The following CAMKK2 variants were observed in gnomAD, a reference collection of about 807,000 sequenced individuals.
CAMKK2 encodes calcium/calmodulin dependent protein kinase kinase 2.
A neutral mutation model predicts 67.2 loss-of-function variants in CAMKK2; 30 were observed. That is an observed-to-expected ratio of 0.45 (90% CI 0.33 to 0.61). The LOEUF (loss-of-function observed/expected upper bound fraction) is 0.61. Ranked by LOEUF, CAMKK2 falls within the 20% of genes least tolerant of loss-of-function variation. The pLI, the probability that CAMKK2 is intolerant of heterozygous loss-of-function variation, is 0.02. For missense variants in CAMKK2, 643 were observed against 802.0 expected (o/e 0.80, Z 2.39); for synonymous variants, 322 against 326.2 (o/e 0.99, Z 0.14).
chr12:121,294,225 G>A (rs1032409616), intron 1 of CAMKK2, among the ~76,000 whole-genome samples: 6 of 152,138 alleles, frequency 3.9e-5, no homozygotes, highest in South Asian at 2.1e-4. Context: ...GAGCCACCAC[G>A]CCCAGCCAGG....
At chr12:121,264,671 G>A (rs892398249) in intron 5 of CAMKK2, among the ~76,000 whole-genome samples, 2 of 152,094 alleles carry the variant, frequency 1.3e-5, no homozygotes, top group African/African-American at 4.8e-5. Flanking sequence ...CTACTGGGGA[G>A]GCTGAGGCAG....
In CAMKK2 at chr12:121,259,307, G is replaced by A. The variant is rs115238186; in HGVS notation, c.796+1012C>T. 4.7e-3 allele frequency among the ~76,000 whole-genome samples: 717 copies of A among 152,246 alleles called. 7 individuals carry two copies. Among genetic ancestry groups the A allele is most frequent in the African/African-American group, 0.016 (679 of 41,534 alleles). On this transcript the variant is annotated intron_variant, in intron 7 of 16. Transcript: ENST00000404169. ...CTGCTCGGGGTTTTTGTTTTGTTAC[G>A]GTGTTGTCGCTTTCAAAACCCACGC...
rs759727042 is a variant in CAMKK2, at chr12:121,255,789, T to A, written c.812A>T (p.Asn271Ile). 6.2e-7 allele frequency: 1 copy of A among 1,613,872 alleles called. No homozygotes were observed. Among genetic ancestry groups the A allele is most frequent in the Non-Finnish European group, 8.5e-7 (1 of 1,179,970 alleles). ...DHLYMVFELVNQGPVMEVPTL... is the reference protein window; with the variant it reads ...DHLYMVFELVIQGPVMEVPTL... ...TGGGAGCTGGGACACTCACCCTTGG[T>A]TGACCAGTTCGAACACTGTAGGGAA... The change falls in exon 8 of 17, where the codon AAC becomes ATC. Residue 271 changes from asparagine to isoleucine, a missense_variant. By Grantham distance (149) the Asn-to-Ile change is moderately radical. This residue lies in a region of CAMKK2 where 483 missense variants were observed against 625.8 expected (regional missense o/e 0.77). Coordinates refer to ENST00000404169, the MANE Select transcript of CAMKK2 (RefSeq NM_001270485.2).
At chr12:121,271,975 G>T (rs1315857861) in intron 2 of CAMKK2, among the ~76,000 whole-genome samples, 1 of 152,152 alleles carries the variant, frequency 6.6e-6, no homozygotes, top group Admixed American at 6.6e-5. Context: ...CTCCCAAAAT[G>T]CTGGGATTAC....
rs35407516 is a variant in CAMKK2, at chr12:121,274,077, G to A, written c.450C>T (p.His150=). 8.8e-4 allele frequency: 1,331 copies of A among 1,515,082 alleles called. 8 individuals are homozygous for A. The highest frequency in any genetic ancestry group is 8.1e-3 in the African/African-American group (588 of 72,396). The allele number at this position is 1,515,082 out of a possible 1,614,324, so 93.9% of individuals were successfully genotyped here. ...LPRRPTVESH[H]VSITGMQDCV... ...GCACCTGCATACCCGTGATGGAGAC[G>A]TGGTGAGACTCCACTGTCGGCCGCC... The change falls in exon 2 of 17, where the codon CAC becomes CAT. Residue 150 remains histidine, a synonymous_variant. Transcript: ENST00000404169.
chr12:121,296,891 C>G (rs925773507), upstream of CAMKK2: 1 of 151,586 alleles, frequency 6.6e-6, no homozygotes, highest in Non-Finnish European at 1.5e-5. The surrounding 1 kb of genome is among the most constrained non-coding windows in gnomAD (Gnocchi z 7.1). Flanking sequence ...CCTGCGCGCC[C>G]CCGCCGGCTC....
chr12:121,263,021 T>C (rs1893782633), intron 6 of CAMKK2, among the ~76,000 whole-genome samples: 2 of 152,086 alleles, frequency 1.3e-5, no homozygotes, highest in Admixed American at 6.6e-5. Context: ...CAGGCTGGAA[T>C]GCAATGGCGT....
chr12:121,271,191 C>A (rs568676977), intron 2 of CAMKK2, among the ~76,000 whole-genome samples: 1 of 150,802 alleles, frequency 6.6e-6, no homozygotes, highest in African/African-American at 2.4e-5. Context: ...ACGAGAATCG[C>A]GTGAGCCCAG....
At chr12:121,276,441 C>T (rs968227668) in intron 1 of CAMKK2, among the ~76,000 whole-genome samples, 6 of 152,206 alleles carry the variant, frequency 3.9e-5, no homozygotes, top group African/African-American at 1.4e-4. Context: ...CACTGCACTG[C>T]AGCCTGGGTG....
Position 121,237,861 on chromosome 12 carries a change from C to G in CAMKK2, c.*2838G>C. 6.6e-6 allele frequency: 1 copy of G among 152,540 alleles called. No homozygotes were observed. The highest frequency in any genetic ancestry group is 1.9e-4 in the East Asian group (1 of 5,198). The allele number at this position is 152,540 out of a possible 1,614,324, so 9.4% of individuals were successfully genotyped here. A position where few individuals can be genotyped will look rare whatever the true frequency, so the allele number is the denominator to read the frequency against. ...AAGGAAAATGCATAGTAGAAAGGGTCGGGAATGAAACAGAAGCATCGGGCA... is the reference window on the plus strand; with the variant it reads ...AAGGAAAATGCATAGTAGAAAGGGTGGGGAATGAAACAGAAGCATCGGGCA... On this transcript the variant is annotated 3_prime_UTR_variant, in exon 17 of 17. Coordinates refer to ENST00000404169, the MANE Select transcript of CAMKK2 (RefSeq NM_001270485.2). The surrounding 1 kb of genome is among the most constrained non-coding windows in gnomAD (Gnocchi z 4.5).
At chr12:121,258,224 A>G (rs1892738192) in intron 7 of CAMKK2, among the ~76,000 whole-genome samples, 1 of 151,916 alleles carries the variant, frequency 6.6e-6, no homozygotes, top group East Asian at 1.9e-4. Flanking sequence ...TGGTTTCACC[A>G]TGTTGGTTAG....
At chr12:121,263,704 C>A in intron 6 of CAMKK2, 102 bp downstream of exon 6, 1 of 1,057,854 alleles carries the variant, frequency 9.5e-7, no homozygotes, top group Non-Finnish European at 1.3e-6. Context: ...CTGCAGTGAG[C>A]GGTCTGGTGT....
At chr12:121,265,546 C>G (rs570420243) in intron 5 of CAMKK2, among the ~76,000 whole-genome samples, 2 of 152,244 alleles carry the variant, frequency 1.3e-5, no homozygotes, top group South Asian at 4.2e-4. Context: ...GAGGATACAG[C>G]TCTCATGAAT....
intron 1 of CAMKK2, among the ~76,000 whole-genome samples, chr12:121,277,132 C>T (rs11615578): frequency 0.18 from 27,659 of 152,018 alleles, 2,949 homozygotes; most frequent in Non-Finnish European, 0.24. Flanking sequence ...ATAGCTACTA[C>T]GCCAGGCACG....
intron 1 of CAMKK2, among the ~76,000 whole-genome samples, chr12:121,279,262 C>T (rs1300365622): frequency 2.0e-5 from 3 of 152,266 alleles, no homozygotes; most frequent in South Asian, 2.1e-4. Flanking sequence ...CGGGCAGGGA[C>T]GTCGGCGCTG....
chr12:121,252,722 A>G lies in CAMKK2; in HGVS notation c.1108-8T>C. On this transcript the variant is annotated splice_region_variant and splice_polypyrimidine_tract_variant and intron_variant, in intron 10 of 16. Coordinates refer to ENST00000404169, the MANE Select transcript of CAMKK2 (RefSeq NM_001270485.2). ...GGCCCAAACATCCAAGGCCTGCAAG[A>G]AAAAGAGCTTAGTGTGAGGGCATAA... 3 of 1,614,102 alleles carry G rather than the reference A, an allele frequency of 1.9e-6. No individual in the cohort carries two copies. The highest frequency in any genetic ancestry group is 2.5e-6 in the Non-Finnish European group (3 of 1,179,940).
Position 121,238,534 on chromosome 12 carries a change from A to G in CAMKK2, c.*2165T>C, listed in dbSNP as rs1223088135. 3 of 152,444 alleles carry G rather than the reference A, an allele frequency of 2.0e-5. No homozygotes were observed. The East Asian group carries it at 5.8e-4, about 29-fold the overall frequency. The allele number at this position is 152,444 out of a possible 1,614,324, so 9.4% of individuals were successfully genotyped here. On this transcript the variant is annotated 3_prime_UTR_variant, in exon 17 of 17. Transcript: ENST00000404169. ...TTCATGTGGGGCAGGTCCTTTCCACAGCTTTCTTTGGTGTTTCTTCATTAA... is the reference window on the plus strand; with the variant it reads ...TTCATGTGGGGCAGGTCCTTTCCACGGCTTTCTTTGGTGTTTCTTCATTAA...
At chr12:121,242,904 G>A (rs549496869) in intron 16 of CAMKK2, among the ~76,000 whole-genome samples, 4 of 151,912 alleles carry the variant, frequency 2.6e-5, no homozygotes, top group East Asian at 1.9e-4. Flanking sequence ...CACCGCGCCC[G>A]GCTAATTTTT....
chr12:121,252,497 T>C (rs944220407), intron 11 of CAMKK2, among the ~76,000 whole-genome samples, 164 bp downstream of exon 11: 94 of 52,898 alleles, frequency 1.8e-3, no homozygotes, highest in African/African-American at 6.7e-3. Flanking sequence ...CTCCAACTCC[T>C]AACCTCTGCC....
Sources: gnomAD v4.1 joint callset for allele counts (sites outside exome capture counted in the v4.1 genomes callset) on GRCh38, gnomAD v4.1.1 for gene constraint, gnomAD v4.1.1 regional missense constraint, Gnocchi (gnomAD v3.1) non-coding constraint, MANE v1.5 for transcripts, NCBI Gene and HGNC (gene_info 2026-07-23, HGNC 2026-07-21) for gene names.